CLYBL: variants seen among roughly 807,000 people sequenced by gnomAD.
The protein encoded by CLYBL is citramalyl-CoA lyase, mitochondrial.
Under a neutral mutation model 38.9 loss-of-function variants are expected in CLYBL, and 31 were observed. The observed-to-expected ratio is 0.80, with a 90% CI of 0.60 to 1.08. The LOEUF is 1.08. CLYBL is among the 50% of genes least tolerant of loss of function. CLYBL has a pLI of 0.00. For missense variants in CLYBL, 434 were observed against 411.6 expected (o/e 1.05, Z -0.47); for synonymous variants, 171 against 158.6 (o/e 1.08, Z -0.59).
rs71121010 is a variant in CLYBL, at chr13:99,784,449, C to CTCTTTTTTT, written c.249+11440_249+11441insCTTTTTTTT. Among the ~76,000 whole-genome samples, 376 of 52,052 alleles carry CTCTTTTTTT rather than the reference C, an allele frequency of 7.2e-3. 32 individuals are homozygous for CTCTTTTTTT. Among genetic ancestry groups the CTCTTTTTTT allele is most frequent in the Non-Finnish European group, 0.012 (310 of 26,172 alleles). 34.1% of individuals were successfully genotyped at this position (52,052 alleles called of 152,430 possible). A position where few individuals can be genotyped will look rare whatever the true frequency, so the allele number is the denominator to read the frequency against. ...TTCCTCTGCTTCTGGAAAATTCTCTCTTTTTTTTTTTTTTTTTTTTTTTGA... is the reference window on the plus strand; with the variant it reads ...TTCCTCTGCTTCTGGAAAATTCTCTCTCTTTTTTTTTTTTTTTTTTTTTTTTTTTTTTGA... On this transcript the variant is annotated intron_variant, in intron 2 of 8. Transcript: ENST00000339105.
intron 1 of CLYBL, among the ~76,000 whole-genome samples, chr13:99,743,069 A>G (rs1473350305): frequency 3.8e-5 from 5 of 131,716 alleles, no homozygotes. Context: ...TTTTCTTTGC[A>G]TCTTCCTTCC....
At chr13:99,753,500 A>G (rs1490303865) in intron 1 of CLYBL, among the ~76,000 whole-genome samples, 1 of 152,172 alleles carries the variant, frequency 6.6e-6, no homozygotes, top group Non-Finnish European at 1.5e-5. Context: ...CCAGTTTGTA[A>G]TGTAGAGTAG....
At chr13:99,669,852 G>C (rs1356269475) in intron 1 of CLYBL, among the ~76,000 whole-genome samples, 1 of 152,118 alleles carries the variant, frequency 6.6e-6, no homozygotes, top group Non-Finnish European at 1.5e-5. Flanking sequence ...TATTGTTTTA[G>C]CAAGGGGCCT....
chr13:99,630,444 G>GC (rs1426600530), intron 1 of CLYBL, among the ~76,000 whole-genome samples: 1 of 152,166 alleles, frequency 6.6e-6, no homozygotes, highest in East Asian at 1.9e-4. Context: ...TATAACACAG[G>GC]CACCAGAGGG....
At chr13:99,772,557 G>A (rs1003039070) in intron 1 of CLYBL, among the ~76,000 whole-genome samples, 1 of 152,072 alleles carries the variant, frequency 6.6e-6, no homozygotes, top group Admixed American at 6.5e-5. Context: ...AATTAGCCAG[G>A]CATGGTGGCA....
chr13:99,845,843 C>T (rs2051191735), intron 2 of CLYBL, among the ~76,000 whole-genome samples: 1 of 152,098 alleles, frequency 6.6e-6, no homozygotes, highest in Non-Finnish European at 1.5e-5. Context: ...GGCCGTCCTT[C>T]TTCTCCTTCG....
chr13:99,777,221 G>A (rs1353057171), intron 2 of CLYBL, among the ~76,000 whole-genome samples: 1 of 152,084 alleles, frequency 6.6e-6, no homozygotes, highest in Admixed American at 6.6e-5. Context: ...TGCTTATTCA[G>A]AAACCTAACT....
At chr13:99,782,073 C>A (rs1365080213) in intron 2 of CLYBL, among the ~76,000 whole-genome samples, 1 of 152,080 alleles carries the variant, frequency 6.6e-6, no homozygotes, top group Non-Finnish European at 1.5e-5. Flanking sequence ...CATATTTTCC[C>A]ACTTTTTTTT....
At chr13:99,845,849 C>T (rs970651119) in intron 2 of CLYBL, among the ~76,000 whole-genome samples, 9 of 152,050 alleles carry the variant, frequency 5.9e-5, no homozygotes, top group Non-Finnish European at 8.8e-5. Context: ...CCTTCTTCTC[C>T]TTCGTTTTCT....
chr13:99,794,252 C>T (rs546083053), intron 2 of CLYBL, among the ~76,000 whole-genome samples: 2 of 152,092 alleles, frequency 1.3e-5, no homozygotes, highest in Non-Finnish European at 2.9e-5. Context: ...GAAACCCTCT[C>T]TGCACTAAAA....
At chr13:99,640,410 G>A (rs1269076494) in intron 1 of CLYBL, among the ~76,000 whole-genome samples, 3 of 152,294 alleles carry the variant, frequency 2.0e-5, no homozygotes, top group Middle Eastern at 3.4e-3. Flanking sequence ...ATATCCTTTT[G>A]TGTTTTATTT....
intron 2 of CLYBL, among the ~76,000 whole-genome samples, chr13:99,845,708 C>T (rs546961132): frequency 3.7e-4 from 57 of 152,262 alleles, no homozygotes; most frequent in African/African-American, 1.3e-3. Flanking sequence ...TGGCACACCG[C>T]GACAGGCTGC....
intron 2 of CLYBL, among the ~76,000 whole-genome samples, chr13:99,819,663 C>T (rs932446965): frequency 8.6e-5 from 13 of 151,272 alleles, no homozygotes; most frequent in African/African-American, 3.2e-4. Flanking sequence ...CCAGGGAGGC[C>T]ACATATGTAA....
chr13:99,822,126 A>C (rs976726028), intron 2 of CLYBL, among the ~76,000 whole-genome samples: 3 of 152,214 alleles, frequency 2.0e-5, no homozygotes, highest in African/African-American at 7.2e-5. Context: ...GTACCCACAT[A>C]AGTGACCCCT....
At chr13:99,866,637 CT>C (rs61652863) in intron 6 of CLYBL, among the ~76,000 whole-genome samples, 329 of 143,902 alleles carry the variant, frequency 2.3e-3, no homozygotes, top group African/African-American at 7.2e-3. Flanking sequence ...ATATTAGTTG[CT>C]TTTTTTTTTT....
chr13:99,637,564 C>T (rs1228019509), intron 1 of CLYBL, among the ~76,000 whole-genome samples: 1 of 152,142 alleles, frequency 6.6e-6, no homozygotes, highest in Non-Finnish European at 1.5e-5. Context: ...AGTTCAAGAG[C>T]AGCCTGGGCA....
chr13:99,908,055 G>A (rs748914662), exon 10 of CLYBL, among the ~76,000 whole-genome samples: 2 of 152,176 alleles, frequency 1.3e-5, no homozygotes, highest in African/African-American at 4.8e-5. Context: ...TTCCCTGCAG[G>A]TTCTTGGAAA....
intron 2 of CLYBL, among the ~76,000 whole-genome samples, chr13:99,824,840 G>A (rs181324674): frequency 7.2e-5 from 11 of 152,278 alleles, no homozygotes; most frequent in South Asian, 2.1e-4. Flanking sequence ...TGGCTCCGCC[G>A]GTGATGATCA....
chr13:99,869,426 T>TTAAATATAATC lies in CLYBL; in HGVS notation c.803-1510_803-1500dup. Among the ~76,000 whole-genome samples, 1 of 152,280 alleles carries TTAAATATAATC rather than the reference T, an allele frequency of 6.6e-6. No homozygotes were observed. The highest frequency in any genetic ancestry group is 2.1e-4 in the South Asian group (1 of 4,822). ...AATATCCCGACAACTATTAAATTACTTAAATATAATCTCGATACCTACTAC... is the reference window on the plus strand; with the variant it reads ...AATATCCCGACAACTATTAAATTACTTAAATATAATCTAAATATAATCTCGATACCTACTAC... On this transcript the variant is annotated intron_variant, in intron 6 of 8. Coordinates refer to ENST00000339105, the MANE Select transcript of CLYBL (RefSeq NM_206808.5). The surrounding 1 kb of genome is among the most constrained non-coding windows in gnomAD (Gnocchi z 4.3).
Sources: gnomAD v4.1 joint callset for allele counts (sites outside exome capture counted in the v4.1 genomes callset) on GRCh38, gnomAD v4.1.1 for gene constraint, Gnocchi (gnomAD v3.1) non-coding constraint, MANE v1.5 for transcripts, NCBI Gene and HGNC (gene_info 2026-07-23, HGNC 2026-07-21) for gene names.